Variants in KIAA0319L observed in about 807,000 individuals in gnomAD.
KIAA0319L encodes dyslexia-associated protein KIAA0319-like protein.
Under a neutral mutation model 120.1 loss-of-function variants are expected in KIAA0319L, and 55 were observed. The observed-to-expected ratio is 0.46, with a 90% confidence interval of 0.37 to 0.57. The LOEUF is 0.57. KIAA0319L is among the 20% of genes least tolerant of loss of function. The probability of loss-of-function intolerance (pLI) is 0.00; values close to 1 mark genes in which losing one functional copy is unlikely to be tolerated. For missense variants in KIAA0319L, 1,049 were observed against 1,255.3 expected, an observed-to-expected ratio of 0.84 and a Z score of 2.48; for synonymous variants, 398 against 471.9, an observed-to-expected ratio of 0.84 and a Z score of 2.03.
chr1:35,530,435 G>A (rs1274556528), intron 2 of KIAA0319L, among the ~76,000 whole-genome samples: 1 of 151,842 alleles, frequency 6.6e-6, no homozygotes, highest in Non-Finnish European at 1.5e-5. Flanking sequence ...TTTTTGTTTG[G>A]TTCTTTTTTA....
intron 10 of KIAA0319L, among the ~76,000 whole-genome samples, chr1:35,455,581 T>TG: frequency 7.1e-6 from 1 of 141,586 alleles, no homozygotes; most frequent in South Asian, 2.4e-4. Context: ...TAATTTTTTT[T>TG]TTTTTTTTTT....
At chr1:35,491,490 A>G (rs1247841682) in intron 3 of KIAA0319L, among the ~76,000 whole-genome samples, 1 of 152,216 alleles carries the variant, frequency 6.6e-6, no homozygotes, top group Non-Finnish European at 1.5e-5. Flanking sequence ...AACAAAGATA[A>G]AAACTAGAGC....
chr1:35,532,155 A>C (rs1646393599), intron 2 of KIAA0319L, among the ~76,000 whole-genome samples: 2 of 151,692 alleles, frequency 1.3e-5, no homozygotes. Context: ...AGGCAGGAGA[A>C]TCATTGAACA....
In KIAA0319L at chr1:35,455,573, ATTT is replaced by A. The variant is rs551358599; in HGVS notation, c.1656+437_1656+439del. ...CCTCTAATACTAAACATTTAAGATAATTTTTTTTTTTTTTTTTTTTTTTTTGAG... is the reference window on the plus strand; with the variant it reads ...CCTCTAATACTAAACATTTAAGATAATTTTTTTTTTTTTTTTTTTTTTGAG... On this transcript the variant is annotated intron_variant, in intron 10 of 20. Transcript: ENST00000325722. Among the ~76,000 whole-genome samples, 451 of 93,464 alleles carry A rather than the reference ATTT, an allele frequency of 4.8e-3. 6 individuals are homozygous for A. Among genetic ancestry groups the A allele is most frequent in the East Asian group, 0.023 (71 of 3,056 alleles). The allele number at this position is 93,464 out of a possible 152,430, so 61.3% of individuals were successfully genotyped here.
chr1:35,494,936 G>A lies in KIAA0319L; in HGVS notation c.666+11676C>T, dbSNP rs114780918. ...ATACGCTTAACTGATTTTCAACAAA[G>A]GTAAAACGGCAATTCAGTGTAGAAA... On this transcript the variant is annotated intron_variant, in intron 3 of 20. Transcript: ENST00000325722. Among the ~76,000 whole-genome samples, 925 of 152,214 alleles carry A rather than the reference G, an allele frequency of 6.1e-3. 7 individuals are homozygous for A. Among genetic ancestry groups the A allele is most frequent in the Middle Eastern group, 0.01 (3 of 294 alleles).
Position 35,479,097 on chromosome 1 carries a change from G to C in KIAA0319L, c.782C>G (p.Thr261Arg), listed in dbSNP as rs745653778. ...ACTTTTTACTTGTTGAGTGCTGGGC[G>C]TAGTAGCAAGACCCTCTGATATTTC... ...QPEISEGLAT[T>R]PSTQQVKSSE... Residue 261 changes from threonine to arginine, a missense_variant, in exon 4 of 21, where the codon ACG (threonine) becomes AGG (arginine). Thr to Arg is a moderately conservative substitution (Grantham distance 71). Coordinates refer to ENST00000325722, the MANE Select transcript of KIAA0319L (RefSeq NM_024874.5). The C allele has an allele frequency of 6.2e-7, 1 of 1,614,124 alleles. No individual in the cohort carries two copies. The highest frequency in any genetic ancestry group is 1.1e-5 in the South Asian group (1 of 91,082).
At chr1:35,449,144 G>A (rs1448199475) in intron 15 of KIAA0319L, among the ~76,000 whole-genome samples, 1 of 152,148 alleles carries the variant, frequency 6.6e-6, no homozygotes, top group Non-Finnish European at 1.5e-5. Context: ...GGCAGGACAA[G>A]GACTGGAAGA....
At position 35,456,260 on chromosome 1, in the gene KIAA0319L, G is replaced by A. The variant is rs2149098111; in HGVS notation, c.1428-19C>T. Reference sequence around the variant, plus strand: ...AGTCAAGCTATCAGGGCAGAGAGAGGAGTGTGATCAGGGACGGGTTTAAGG... The same window carrying A: ...AGTCAAGCTATCAGGGCAGAGAGAGAAGTGTGATCAGGGACGGGTTTAAGG... On this transcript the variant is annotated intron_variant, in intron 9 of 20. Transcript: ENST00000325722. 1 of 1,478,422 alleles carries A rather than the reference G, an allele frequency of 6.8e-7. No individual in the cohort carries two copies. The highest frequency in any genetic ancestry group is 1.3e-5 in the South Asian group (1 of 77,072). The allele number at this position is 1,478,422 out of a possible 1,614,324, so 91.6% of individuals were successfully genotyped here. A position where few individuals can be genotyped will look rare whatever the true frequency, so the allele number is the denominator to read the frequency against.
rs79090814 is a variant in KIAA0319L, at chr1:35,469,299, C to T, written c.1113+1564G>A. Reference sequence around the variant, plus strand: ...TCACTCAGGCTACTACCATTTTACACCTAAATTTTTCAACAGATTCCTCAC... The same window carrying T: ...TCACTCAGGCTACTACCATTTTACATCTAAATTTTTCAACAGATTCCTCAC... On this transcript the variant is annotated intron_variant, in intron 6 of 20. Transcript: ENST00000325722. Among the ~76,000 whole-genome samples the T allele has an allele frequency of 3.9e-3, 599 of 152,248 alleles. 3 individuals carry two copies. Among genetic ancestry groups the T allele is most frequent in the African/African-American group, 0.014 (571 of 41,564 alleles).
chr1:35,498,185 TA>T (rs1364444334), intron 3 of KIAA0319L, among the ~76,000 whole-genome samples: 9 of 151,928 alleles, frequency 5.9e-5, no homozygotes, highest in Non-Finnish European at 1.3e-4. Context: ...TACAAAAAAT[TA>T]GCTGGGTATG....
chr1:35,552,758 A>T (rs140104701), intron 2 of KIAA0319L, among the ~76,000 whole-genome samples: 10 of 152,092 alleles, frequency 6.6e-5, no homozygotes, highest in Non-Finnish European at 1.5e-4. Context: ...GCAAGACCCC[A>T]TCTCCTAAAA....
intron 2 of KIAA0319L, among the ~76,000 whole-genome samples, chr1:35,521,020 A>T (rs888623646): frequency 5.3e-5 from 8 of 152,216 alleles, no homozygotes; most frequent in African/African-American, 1.9e-4. Context: ...AACAACTTAA[A>T]CATTCATCAG....
intron 20 of KIAA0319L, among the ~76,000 whole-genome samples, chr1:35,436,703 C>T (rs1008930549): frequency 6.6e-6 from 1 of 152,120 alleles, no homozygotes; most frequent in African/African-American, 2.4e-5. Context: ...AAAACAAAGC[C>T]ATAGCTGCTG....
chr1:35,455,875 G>A (rs182961969), intron 10 of KIAA0319L, 138 bp downstream of exon 10: 131 of 705,500 alleles, frequency 1.9e-4, no homozygotes, highest in Non-Finnish European at 2.5e-4. Flanking sequence ...CACCATACCC[G>A]GCCAAGATAA....
At position 35,460,372 on chromosome 1, in the gene KIAA0319L, C is replaced by G. The variant is rs764470211; in HGVS notation, c.1360G>C (p.Glu454Gln). Residue 454 changes from glutamate (E) to glutamine (Q), a missense_variant, in exon 9 of 21, where the codon GAG becomes CAG. By Grantham distance (29) the Glu-to-Gln change is conservative. Transcript: ENST00000325722. ...ATGGCTGTATCTTCAGAAATCTTCTCTTCTCTTAGAGGCCCCTTAAGTTCT... is the reference window on the plus strand; with the variant it reads ...ATGGCTGTATCTTCAGAAATCTTCTGTTCTCTTAGAGGCCCCTTAAGTTCT... ...WEELKGPLREEKISEDTAILK... is the reference protein window; with the variant it reads ...WEELKGPLREQKISEDTAILK... 132 of 1,612,246 alleles carry G rather than the reference C, an allele frequency of 8.2e-5. 1 individual carries two copies. Among genetic ancestry groups the G allele is most frequent in the Admixed American group, 2.5e-4 (15 of 59,988 alleles).
rs534099974 is a variant in KIAA0319L, at chr1:35,479,101, T to C, written c.778A>G (p.Thr260Ala). The C allele has an allele frequency of 6.2e-7, 1 of 1,614,158 alleles. No individual in the cohort carries two copies. The highest frequency in any genetic ancestry group is 1.7e-5 in the Admixed American group (1 of 60,010). Residue 260 changes from threonine (T) to alanine (A), a missense_variant, in exon 4 of 21, where the codon ACT (threonine) becomes GCT (alanine). Transcript: ENST00000325722. ...TTTACTTGTTGAGTGCTGGGCGTAG[T>C]AGCAAGACCCTCTGATATTTCAGGT... is the stretch of plus-strand genomic sequence containing the variant. The part of the protein sequence containing the change: ...VQPEISEGLA[T>A]TPSTQQVKSS...
intron 3 of KIAA0319L, among the ~76,000 whole-genome samples, chr1:35,486,868 A>G (rs1456873787): frequency 6.6e-6 from 1 of 152,110 alleles, no homozygotes; most frequent in Non-Finnish European, 1.5e-5. Flanking sequence ...CCAAGATAGC[A>G]CTACTGCACT....
intron 17 of KIAA0319L, among the ~76,000 whole-genome samples, chr1:35,443,492 C>T (rs541236276): frequency 6.6e-5 from 10 of 151,806 alleles, no homozygotes; most frequent in South Asian, 4.2e-4. Context: ...GATAACATGA[C>T]GAAACCCCAT....
Position 35,506,929 on chromosome 1 carries a change from G to A in KIAA0319L, c.349C>T (p.Arg117Trp), listed in dbSNP as rs144745631. 5.8e-5 allele frequency: 94 copies of A among 1,614,038 alleles called. No individual in the cohort carries two copies. In the Middle Eastern group the frequency reaches 8.3e-4, roughly 14 times the overall value. ...TTGGAGGAGTGTGTCCTAAAAGCCCGGCAGCTCTGGGGCCTGCTGCAGTCT... is the reference window on the plus strand; with the variant it reads ...TTGGAGGAGTGTGTCCTAAAAGCCCAGCAGCTCTGGGGCCTGCTGCAGTCT... Reference protein sequence around the residue: ...QADCSRPQSCRAFRTHSSNSM... With the variant: ...QADCSRPQSCWAFRTHSSNSM... The change falls in exon 3 of 21, where the codon CGG (arginine) becomes TGG (tryptophan). Residue 117 changes from arginine to tryptophan, a missense_variant. Transcript: ENST00000325722. The surrounding 1 kb of genome is among the most constrained non-coding windows in gnomAD (Gnocchi z 4.0).
Sources: gnomAD v4.1 joint callset for allele counts (sites outside exome capture counted in the v4.1 genomes callset) on GRCh38, gnomAD v4.1.1 for gene constraint, Gnocchi (gnomAD v3.1) non-coding constraint, MANE v1.5 for transcripts, NCBI Gene and HGNC (gene_info 2026-07-23, HGNC 2026-07-21) for gene names.